The following SLCO5A1 variants were observed in gnomAD, a reference collection of about 807,000 sequenced individuals.
The protein encoded by SLCO5A1 is organic anion transporter polypeptide-related protein 4.
Under a neutral mutation model 65.1 loss-of-function variants are expected in SLCO5A1, and 39 were observed. That is an observed-to-expected ratio of 0.60 (90% confidence interval 0.46 to 0.78). The LOEUF is 0.78. Ranked by LOEUF, SLCO5A1 falls within the 30% of genes least tolerant of loss-of-function variation. The probability of loss-of-function intolerance (pLI) is 0.00; values close to 1 mark genes in which losing one functional copy is unlikely to be tolerated. For missense variants in SLCO5A1, 1,029 were observed against 1,069.4 expected (o/e 0.96, Z 0.53); for synonymous variants, 438 against 415.7 (o/e 1.05, Z -0.65).
At chr8:69,681,475 C>T (rs1813757366) in intron 7 of SLCO5A1, among the ~76,000 whole-genome samples, 1 of 152,168 alleles carries the variant, frequency 6.6e-6, no homozygotes, top group Non-Finnish European at 1.5e-5. Context: ...TGCCTATAAT[C>T]CCAACTACTA....
At chr8:69,697,955 T>C (rs138384535) in intron 6 of SLCO5A1, among the ~76,000 whole-genome samples, 2 of 138,222 alleles carry the variant, frequency 1.4e-5, no homozygotes, top group African/African-American at 5.1e-5. Flanking sequence ...GACAGATCAT[T>C]TCATCACTCA....
intron 5 of SLCO5A1, among the ~76,000 whole-genome samples, chr8:69,732,469 A>G (rs1816376440): frequency 6.6e-6 from 1 of 152,260 alleles, no homozygotes; most frequent in Non-Finnish European, 1.5e-5. Context: ...TGGAAGTGGA[A>G]TCCTAAATCC....
At chr8:69,809,445 G>A (rs912679816) in intron 2 of SLCO5A1, among the ~76,000 whole-genome samples, 6 of 152,112 alleles carry the variant, frequency 3.9e-5, no homozygotes, top group African/African-American at 1.4e-4. Context: ...ATGTGCAAAT[G>A]TTTTGTATGG....
chr8:69,742,517 A>G (rs1186850712), intron 4 of SLCO5A1, among the ~76,000 whole-genome samples: 4 of 152,236 alleles, frequency 2.6e-5, no homozygotes, highest in Non-Finnish European at 5.9e-5. Flanking sequence ...AAAATTCAAC[A>G]CAAAGCACCA....
chr8:69,711,020 C>A (rs375223888), intron 5 of SLCO5A1, among the ~76,000 whole-genome samples: 15 of 152,134 alleles, frequency 9.9e-5, no homozygotes, highest in African/African-American at 2.7e-4. Context: ...CTGTCCCCCC[C>A]ACTCAAAGCC....
Position 69,832,164 on chromosome 8 carries a change from C to T in SLCO5A1, c.510G>A (p.Leu170=). ...GGTTCCCGATGTCAAAGCAGCTGAC[C>T]AGCAGCCCCGACTCGGAACTCTTCA... The part of the protein sequence containing the change: ...YSLKSSESGL[L]VSCFDIGNLV... Residue 170 remains leucine, a synonymous_variant, in exon 2 of 10, where the codon CTG becomes CTA. Transcript: ENST00000260126. This position sits in a 1 kb window ranked among gnomAD's most constrained non-coding sequence, Gnocchi z 4.5. 2 of 1,614,200 alleles carry T rather than the reference C, an allele frequency of 1.2e-6. No individual in the cohort carries two copies. Among genetic ancestry groups the T allele is most frequent in the South Asian group, 2.2e-5 (2 of 91,082 alleles).
intron 2 of SLCO5A1, among the ~76,000 whole-genome samples, chr8:69,823,232 G>A (rs1189316222): frequency 1.3e-5 from 2 of 152,216 alleles, no homozygotes; most frequent in East Asian, 1.9e-4. Context: ...AAAATAATCA[G>A]CTAACATCAT....
chr8:69,720,829 G>A (rs1251306049), intron 5 of SLCO5A1, among the ~76,000 whole-genome samples: 5 of 152,224 alleles, frequency 3.3e-5, no homozygotes, highest in African/African-American at 1.2e-4. Flanking sequence ...TTTCTATTAA[G>A]GGCTAGATAG....
chr8:69,732,447 T>C (rs16936386), intron 5 of SLCO5A1, among the ~76,000 whole-genome samples: 6,335 of 152,280 alleles, frequency 0.042, 379 homozygotes, highest in African/African-American at 0.13. Flanking sequence ...TTGTGGACCA[T>C]GGCTGAGTGG....
At chr8:69,748,813 C>T (rs1817152008) in intron 4 of SLCO5A1, among the ~76,000 whole-genome samples, 2 of 152,154 alleles carry the variant, frequency 1.3e-5, no homozygotes, top group South Asian at 2.1e-4. Flanking sequence ...AGGCCGCACT[C>T]CAGACCTACT....
At chr8:69,830,849 A>G (rs543172137) in intron 2 of SLCO5A1, among the ~76,000 whole-genome samples, 2 of 152,206 alleles carry the variant, frequency 1.3e-5, no homozygotes, top group Non-Finnish European at 2.9e-5. Flanking sequence ...TCTTCTCCCA[A>G]GTTCATACAA....
intron 2 of SLCO5A1, among the ~76,000 whole-genome samples, chr8:69,818,433 G>T (rs1820491726): frequency 6.6e-6 from 1 of 152,166 alleles, no homozygotes; most frequent in Admixed American, 6.5e-5. Flanking sequence ...AACAGAATCT[G>T]CATCTTGACA....
At chr8:69,760,943 T>G (rs911000375) in intron 3 of SLCO5A1, among the ~76,000 whole-genome samples, 7 of 151,816 alleles carry the variant, frequency 4.6e-5, no homozygotes, top group African/African-American at 1.7e-4. Flanking sequence ...TCACTGAGAG[T>G]GTGACAATGG....
At chr8:69,734,510 T>C (rs1816472607) in intron 5 of SLCO5A1, among the ~76,000 whole-genome samples, 1 of 152,200 alleles carries the variant, frequency 6.6e-6, no homozygotes, top group South Asian at 2.1e-4. Flanking sequence ...TTTCATAAGT[T>C]TTCTCTCTCC....
At chr8:69,767,585 G>C (rs1356412978) in intron 2 of SLCO5A1, among the ~76,000 whole-genome samples, 1 of 152,140 alleles carries the variant, frequency 6.6e-6, no homozygotes, top group African/African-American at 2.4e-5. Flanking sequence ...CTGGCACACA[G>C]GCTATATAAG....
intron 9 of SLCO5A1, among the ~76,000 whole-genome samples, chr8:69,673,687 T>A (rs1040124537): frequency 1.3e-5 from 2 of 152,160 alleles, no homozygotes; most frequent in African/African-American, 2.4e-5. Context: ...CTTTTAATCT[T>A]AAAAATTGGA....
chr8:69,795,853 A>C (rs190139220), intron 2 of SLCO5A1, among the ~76,000 whole-genome samples: 2 of 152,280 alleles, frequency 1.3e-5, no homozygotes, highest in African/African-American at 4.8e-5. Context: ...ATCCTCTGAA[A>C]TCTAGGTGGA....
In SLCO5A1 at chr8:69,807,697, T is replaced by TTTTG. The variant is rs532636334; in HGVS notation, c.907+24066_907+24069dup. ...GTCGCAAATGACAGAATTTCCTGTT[T>TTTTG]TTTGTTTGTTTGTTTGTTTGTTTTT... is the stretch of plus-strand genomic sequence containing the variant. On this transcript the variant is annotated intron_variant, in intron 2 of 9. Coordinates refer to ENST00000260126, the MANE Select transcript of SLCO5A1 (RefSeq NM_030958.3). Among the ~76,000 whole-genome samples the TTTTG allele has an allele frequency of 8.3e-4, 127 of 152,266 alleles. 1 individual carries two copies. The highest frequency in any genetic ancestry group is 3.9e-3 in the East Asian group (20 of 5,186).
rs746444257 is a variant in SLCO5A1, at chr8:69,682,188, G to A, written c.1778C>T (p.Thr593Ile). ...GAACTTGTGAAATATACTCACCCCA[G>A]TGCTAAGATTACCACTATTAACACA... ...AGCVNSGNLS[T>I]GIRNYTECTC... The change falls in exon 7 of 10, where the codon ACT becomes ATT. Residue 593 changes from threonine to isoleucine, a missense_variant. Transcript: ENST00000260126. The A allele has an allele frequency of 6.8e-6, 11 of 1,609,142 alleles. No individual in the cohort carries two copies. The South Asian group carries it at 1.2e-4, about 18-fold the overall frequency.
Sources: gnomAD v4.1 joint callset for allele counts (sites outside exome capture counted in the v4.1 genomes callset) on GRCh38, gnomAD v4.1.1 for gene constraint, Gnocchi (gnomAD v3.1) non-coding constraint, MANE v1.5 for transcripts, NCBI Gene and HGNC (gene_info 2026-07-23, HGNC 2026-07-21) for gene names.